The following RELN variants were observed in gnomAD, a reference collection of about 807,000 sequenced individuals.
RELN encodes reelin.
A neutral mutation model predicts 427.6 loss-of-function variants in RELN; 108 were observed. That is an observed-to-expected ratio of 0.25 (90% CI 0.22 to 0.30). RELN has a LOEUF of 0.30. Among genes scored for constraint, RELN ranks in the 10% least tolerant of loss-of-function variants. The probability of loss-of-function intolerance (pLI) is 1.00; values close to 1 mark genes in which losing one functional copy is unlikely to be tolerated. For synonymous variants in RELN, 1,524 were observed against 1,513.4 expected, an observed-to-expected ratio of 1.01 and a Z score of -0.16; for missense variants, 3,715 against 4,302.8, an observed-to-expected ratio of 0.86 and a Z score of 3.82.
At chr7:103,611,535 A>ATTT in intron 21 of RELN, 76 bp downstream of exon 21, 4 of 876,920 alleles carry the variant, frequency 4.6e-6, no homozygotes, top group Non-Finnish European at 5.2e-6. Flanking sequence ...CTAGAACTGT[A>ATTT]ATTTTTTTTT....
intron 31 of RELN, among the ~76,000 whole-genome samples, chr7:103,568,986 C>T (rs970322750): frequency 2.0e-5 from 3 of 152,122 alleles, no homozygotes; most frequent in South Asian, 2.1e-4. Flanking sequence ...GACACTCTTC[C>T]GTTCAAAAAG....
rs11407230 is a variant in RELN, at chr7:103,820,553, T to TAAA, written c.473+12981_473+12983dup. Among the ~76,000 whole-genome samples, 441 of 148,620 alleles carry TAAA rather than the reference T, an allele frequency of 3.0e-3. 4 individuals carry two copies. The highest frequency in any genetic ancestry group is 0.01 in the African/African-American group (425 of 40,680). ...AAAAGAAAAGAAAAACACTCATTCT[T>TAAA]AAAAAAAAAAAACTATTAATCAAGG... On this transcript the variant is annotated intron_variant, in intron 3 of 64. Coordinates refer to ENST00000428762, the MANE Select transcript of RELN (RefSeq NM_005045.4).
chr7:103,496,044 A>G (rs1308889857), intron 56 of RELN, 146 bp from the exon 57 acceptor site: 5 of 826,578 alleles, frequency 6.0e-6, no homozygotes, highest in Admixed American at 2.3e-5. Context: ...CTTACACTTT[A>G]GGATTGATTT....
chr7:103,599,344 T>G (rs1489628681), intron 24 of RELN, among the ~76,000 whole-genome samples: 1 of 152,188 alleles, frequency 6.6e-6, no homozygotes, highest in African/African-American at 2.4e-5. Flanking sequence ...TTCACAGACT[T>G]CTGGCAGAGA....
At chr7:103,759,990 C>CTTTTTTT (rs57019839) in intron 4 of RELN, among the ~76,000 whole-genome samples, 2 of 64,932 alleles carry the variant, frequency 3.1e-5, no homozygotes, top group Non-Finnish European at 5.7e-5. Context: ...CACAGTCATA[C>CTTTTTTT]TTTTTTTTTT....
chr7:103,695,448 G>T (rs1215948681), intron 10 of RELN, among the ~76,000 whole-genome samples: 1 of 148,686 alleles, frequency 6.7e-6, no homozygotes, highest in African/African-American at 2.6e-5. Context: ...TGTGTGATTG[G>T]AAAGCTTATG....
chr7:103,972,647 T>C (rs980453919), intron 1 of RELN, among the ~76,000 whole-genome samples: 1 of 152,130 alleles, frequency 6.6e-6, no homozygotes, highest in African/African-American at 2.4e-5. Flanking sequence ...CTCCTAAAGT[T>C]TGACATTACT....
chr7:103,617,162 T>C (rs925588987), intron 20 of RELN, among the ~76,000 whole-genome samples: 1 of 152,198 alleles, frequency 6.6e-6, no homozygotes, highest in Non-Finnish European at 1.5e-5. Flanking sequence ...ATTGGCTACA[T>C]ATACAGTGTG....
At chr7:103,625,520 G>A (rs1832310312) in intron 20 of RELN, among the ~76,000 whole-genome samples, 1 of 152,132 alleles carries the variant, frequency 6.6e-6, no homozygotes, top group Middle Eastern at 3.2e-3. Context: ...ATATATACCA[G>A]TTTTCTTCCT....
chr7:103,644,018 G>A (rs189274187), intron 16 of RELN, among the ~76,000 whole-genome samples: 114 of 151,864 alleles, frequency 7.5e-4, no homozygotes, highest in African/African-American at 2.5e-3. Context: ...TATAACCAAT[G>A]AACTCATAGA....
At position 103,749,510 on chromosome 7, in the gene RELN, A is replaced by G. The variant is rs1303193270; in HGVS notation, c.578-6T>C. 6.3e-6 allele frequency: 10 copies of G among 1,596,982 alleles called. No homozygotes were observed. ...GCTGTCACTATGTATTTCAGCTAAA[A>G]GAAAAAGGAAGTATTTAGGAAAGAA... On this transcript the variant is annotated splice_polypyrimidine_tract_variant and splice_region_variant and intron_variant, in intron 5 of 64. Transcript: ENST00000428762.
chr7:103,962,685 A>G (rs1268545496), intron 1 of RELN, among the ~76,000 whole-genome samples: 1 of 148,016 alleles, frequency 6.8e-6, no homozygotes, highest in Non-Finnish European at 1.5e-5. Context: ...TGTAGCTAAT[A>G]TATGTATTAT....
rs972541159 is a variant in RELN, at chr7:103,626,716, G to C, written c.2702+3224C>G. Reference sequence around the variant, plus strand: ...CCTTCAAACCTGTTGTATCTAGCTGGTTTATTAGATGGGGCAGAGGAATGT... The same window carrying C: ...CCTTCAAACCTGTTGTATCTAGCTGCTTTATTAGATGGGGCAGAGGAATGT... On this transcript the variant is annotated intron_variant, in intron 20 of 64. Coordinates refer to ENST00000428762, the MANE Select transcript of RELN (RefSeq NM_005045.4). This position sits in a 1 kb window ranked among gnomAD's most constrained non-coding sequence, Gnocchi z 4.4. Among the ~76,000 whole-genome samples the C allele has an allele frequency of 6.6e-6, 1 of 152,022 alleles. No homozygotes were observed. The highest frequency in any genetic ancestry group is 6.6e-5 in the Admixed American group (1 of 15,242).
intron 2 of RELN, among the ~76,000 whole-genome samples, chr7:103,843,686 G>C (rs1428928578): frequency 6.6e-6 from 1 of 152,116 alleles, no homozygotes; most frequent in Non-Finnish European, 1.5e-5. Flanking sequence ...ACACATCTCT[G>C]AGTTAGATAC....
intron 64 of RELN, among the ~76,000 whole-genome samples, chr7:103,477,536 A>G (rs1208014924): frequency 6.6e-6 from 1 of 152,250 alleles, no homozygotes; most frequent in African/African-American, 2.4e-5. Flanking sequence ...ACTATCACTG[A>G]AACTTCCCTG....
At chr7:103,817,581 TCTGTAGGATTTCC>T (rs2116360368) in intron 3 of RELN, among the ~76,000 whole-genome samples, 1 of 152,256 alleles carries the variant, frequency 6.6e-6, no homozygotes, top group Admixed American at 6.5e-5. Context: ...AAAGAAGAAA[TCTGTAGGATTTCC>T]TTTGTGAAAA....
Position 103,542,276 on chromosome 7 carries a change from C to T in RELN, c.6671+455G>A, listed in dbSNP as rs74893479. On this transcript the variant is annotated intron_variant, in intron 43 of 64. Transcript: ENST00000428762. The stretch of plus-strand genomic sequence containing the variant: ...AAATGTTTTTAACTTAAATTGCTGG[C>T]GGAGATAAAATTAATTATGAATAAT... Among the ~76,000 whole-genome samples the T allele has an allele frequency of 6.8e-3, 1,032 of 152,176 alleles. 10 individuals are homozygous for T. The highest frequency in any genetic ancestry group is 0.01 in the Non-Finnish European group (689 of 68,006).
intron 24 of RELN, among the ~76,000 whole-genome samples, chr7:103,597,307 G>C (rs986382636): frequency 1.1e-4 from 16 of 152,074 alleles, no homozygotes; most frequent in African/African-American, 3.9e-4. Context: ...TTGACAAAAA[G>C]AAAGAGTACT....
chr7:103,822,042 T>C (rs562617222), intron 3 of RELN, among the ~76,000 whole-genome samples: 1 of 152,238 alleles, frequency 6.6e-6, no homozygotes, highest in East Asian at 1.9e-4. Context: ...AATAATTTCA[T>C]TTAATATTTA....
Sources: allele counts gnomAD v4.1 joint callset (sites outside exome capture counted in the v4.1 genomes callset), GRCh38; gene constraint gnomAD v4.1.1; non-coding constraint Gnocchi (gnomAD v3.1); transcripts MANE v1.5; gene names NCBI Gene and HGNC (gene_info 2026-07-23, HGNC 2026-07-21).